XPO1: variants seen among roughly 807,000 people sequenced by gnomAD.
XPO1 encodes exportin 1.
XPO1 carries 5 observed loss-of-function variants against 133.3 expected under a neutral mutation model. That is an observed-to-expected ratio of 0.04 (90% CI 0.02 to 0.08). XPO1 has a LOEUF of 0.08. XPO1 is among the 10% of genes least tolerant of loss of function. The pLI, the probability that XPO1 is intolerant of heterozygous loss-of-function variation, is 1.00. For synonymous variants in XPO1, 419 were observed against 408.2 expected (o/e 1.03, Z -0.32); for missense variants, 506 against 1,267.5 (o/e 0.40, Z 9.12).
intron 2 of XPO1, among the ~76,000 whole-genome samples, chr2:61,529,133 G>C (rs560014606): frequency 1.3e-5 from 2 of 152,272 alleles, no homozygotes; most frequent in African/African-American, 4.8e-5. Flanking sequence ...GCTGCAGTGA[G>C]CTGTGATCAA....
intron 2 of XPO1, among the ~76,000 whole-genome samples, chr2:61,528,940 A>G (rs970417502): frequency 6.6e-6 from 1 of 151,916 alleles, no homozygotes; most frequent in Non-Finnish European, 1.5e-5. Context: ...ACCTATTTCT[A>G]TTAAAAGTTG....
At chr2:61,536,227 G>A (rs1699349846) in intron 1 of XPO1, 1 of 152,218 alleles carries the variant, frequency 6.6e-6, no homozygotes, top group South Asian at 2.1e-4. Flanking sequence ...ACATAGTACA[G>A]AAATGGCGGC....
intron 16 of XPO1, among the ~76,000 whole-genome samples, chr2:61,491,459 AACAC>A (rs61072503): frequency 0.025 from 3,554 of 142,954 alleles, 94 homozygotes; most frequent in African/African-American, 0.073. Context: ...TCAAAAAACA[AACAC>A]ACACACACAC....
intron 2 of XPO1, among the ~76,000 whole-genome samples, chr2:61,527,015 A>G (rs753383793): frequency 6.6e-6 from 1 of 152,108 alleles, no homozygotes; most frequent in East Asian, 1.9e-4. Flanking sequence ...GCCAACTCCT[A>G]ATCTTTAAAG....
intron 9 of XPO1, among the ~76,000 whole-genome samples, chr2:61,497,454 G>A (rs563486560): frequency 4.3e-4 from 65 of 152,160 alleles, no homozygotes; most frequent in South Asian, 6.2e-4. Context: ...CTCGTGATCC[G>A]CTCACCTCGA....
At chr2:61,529,586 C>A (rs575750365) in intron 2 of XPO1, among the ~76,000 whole-genome samples, 1 of 151,262 alleles carries the variant, frequency 6.6e-6, no homozygotes, top group African/African-American at 2.4e-5. Flanking sequence ...AACCAGGACC[C>A]GGAAGGCGGA....
intron 4 of XPO1, among the ~76,000 whole-genome samples, chr2:61,510,907 C>CA: frequency 6.7e-6 from 1 of 148,204 alleles, no homozygotes; most frequent in East Asian, 2.0e-4. Flanking sequence ...CACTGCACTC[C>CA]AGCTTGGGCG....
intron 24 of XPO1, among the ~76,000 whole-genome samples, chr2:61,479,627 G>C (rs534490633): frequency 1.3e-5 from 2 of 152,064 alleles, no homozygotes; most frequent in Admixed American, 6.5e-5. Context: ...TTGTTCTGTA[G>C]CCCCAGCACA....
chr2:61,497,120 C>A, intron 9 of XPO1, 113 bp from the exon 10 acceptor site: 2 of 1,307,096 alleles, frequency 1.5e-6, no homozygotes, highest in Non-Finnish European at 2.0e-6. Context: ...GGGTAGATGT[C>A]AAAAACAGGC....
At chr2:61,519,802 GGAATCTAATTTTGGCATACTCTTAT>G (rs1421451385) in intron 4 of XPO1, among the ~76,000 whole-genome samples, 1 of 151,556 alleles carries the variant, frequency 6.6e-6, no homozygotes, top group Non-Finnish European at 1.5e-5. Context: ...AAAAAATGCA[GGAATCTAATTTTGGCATACTCTTAT>G]GCAGTGAAAC....
rs34659499 is a variant in XPO1, at chr2:61,501,721, CAAAAAAAAAA to C, written c.408+265_408+274del. Among the ~76,000 whole-genome samples, 142 of 111,408 alleles carry C rather than the reference CAAAAAAAAAA, an allele frequency of 1.3e-3. 2 individuals are homozygous for C. The highest frequency in any genetic ancestry group is 2.0e-4 in the Non-Finnish European group (11 of 55,590). The allele number at this position is 111,408 out of a possible 152,430, so 73.1% of individuals were successfully genotyped here. On this transcript the variant is annotated intron_variant, in intron 6 of 24. Coordinates refer to ENST00000401558, the MANE Select transcript of XPO1 (RefSeq NM_003400.4). Reference sequence around the variant, plus strand: ...CTGGGCAACAGAGGGAGACTGTCTCCAAAAAAAAAAAAAAAAGAAAAGAAAAGATAAATAA... The same window carrying C: ...CTGGGCAACAGAGGGAGACTGTCTCCAAAAAAGAAAAGAAAAGATAAATAA...
At chr2:61,522,750 A>G in intron 3 of XPO1, 67 bp from the exon 4 acceptor site, 3 of 1,134,224 alleles carry the variant, frequency 2.6e-6, no homozygotes, top group Non-Finnish European at 4.0e-6. Flanking sequence ...CAGGATTCAC[A>G]AATGGACAGA....
At chr2:61,525,951 C>T in intron 3 of XPO1, 1 of 1,054,674 alleles carries the variant, frequency 9.5e-7, no homozygotes, top group Non-Finnish European at 1.1e-6. Flanking sequence ...TAAAAAAGGA[C>T]CAGAATTATA....
rs769202956 is a variant in XPO1, at chr2:61,482,950, T to A, written c.2812+7A>T. ...CACTTAACATTTAAATCGTATTAAA[T>A]TCTTACCAGCAGTATGTGAAGTGTC... On this transcript the variant is annotated splice_region_variant and intron_variant, in intron 22 of 24. Coordinates refer to ENST00000401558, the MANE Select transcript of XPO1 (RefSeq NM_003400.4). 41 of 1,613,352 alleles carry A rather than the reference T, an allele frequency of 2.5e-5. No individual in the cohort carries two copies. The highest frequency in any genetic ancestry group is 3.5e-5 in the Non-Finnish European group (41 of 1,179,962).
chr2:61,535,364 G>A (rs1254348411), intron 1 of XPO1, among the ~76,000 whole-genome samples: 1 of 152,190 alleles, frequency 6.6e-6, no homozygotes, highest in East Asian at 1.9e-4. Context: ...GCCATCCATG[G>A]CACTCCCAGT....
At chr2:61,487,198 A>T (rs1306860332) in intron 19 of XPO1, among the ~76,000 whole-genome samples, 1 of 152,118 alleles carries the variant, frequency 6.6e-6, no homozygotes, top group East Asian at 1.9e-4. Context: ...GAAAATAAAC[A>T]CAATGTTTCA....
intron 24 of XPO1, among the ~76,000 whole-genome samples, chr2:61,479,746 A>G (rs933463717): frequency 6.6e-6 from 1 of 152,096 alleles, no homozygotes; most frequent in Non-Finnish European, 1.5e-5. Flanking sequence ...TATTTTTACT[A>G]GAGACGTAGT....
At chr2:61,528,783 T>TAG (rs1699030850) in intron 2 of XPO1, among the ~76,000 whole-genome samples, 1 of 113,294 alleles carries the variant, frequency 8.8e-6, no homozygotes, top group Non-Finnish European at 1.9e-5. Context: ...ATATATATAG[T>TAG]TTTTTCATTT....
intron 2 of XPO1, among the ~76,000 whole-genome samples, chr2:61,527,828 G>A (rs1475017409): frequency 1.3e-5 from 2 of 151,838 alleles, no homozygotes; most frequent in Non-Finnish European, 2.9e-5. Context: ...ATCATCTTGT[G>A]CTTGTATCAG....
Sources: allele counts gnomAD v4.1 joint callset (sites outside exome capture counted in the v4.1 genomes callset), GRCh38; gene constraint gnomAD v4.1.1; transcripts MANE v1.5; gene names NCBI Gene and HGNC (gene_info 2026-07-23, HGNC 2026-07-21).